DIAPH2: variants seen among roughly 807,000 people sequenced by gnomAD.
DIAPH2 encodes protein diaphanous homolog 2.
DIAPH2 carries 35 observed loss-of-function variants against 92.7 expected under a neutral mutation model. That is an observed-to-expected ratio of 0.38 (90% CI 0.29 to 0.50). The LOEUF is 0.50. Ranked by LOEUF, DIAPH2 falls within the 20% of genes least tolerant of loss-of-function variation. The pLI is 0.94. For synonymous variants in DIAPH2, 301 were observed against 280.4 expected (o/e 1.07, Z -0.73); for missense variants, 701 against 819.5 (o/e 0.86, Z 1.77).
intron 17 of DIAPH2, among the ~76,000 whole-genome samples, chrX:96,969,132 G>A (rs2065911620): frequency 8.9e-6 from 1 of 112,158 alleles, no homozygotes. Context: ...CGGTAGCCTT[G>A]TAATATAGTT....
chrX:97,229,609 C>G lies in DIAPH2; in HGVS notation c.2720-18106C>G, dbSNP rs185144154. Among the ~76,000 whole-genome samples, 10 of 109,941 alleles carry G rather than the reference C, an allele frequency of 9.1e-5. No individual in the cohort carries two copies. In the Admixed American group the frequency reaches 9.9e-4, roughly 11 times the overall value. On this transcript the variant is annotated intron_variant, in intron 22 of 26. Transcript: ENST00000324765. ...GAAAACAGGATAATCAGAAACAGAT[C>G]TGGTTTCTGGGAGAAGGTGGTCTGC...
chrX:97,365,893 G>T (rs1220661476), intron 24 of DIAPH2, among the ~76,000 whole-genome samples: 1 of 109,728 alleles, frequency 9.1e-6, no homozygotes, highest in Non-Finnish European at 1.9e-5. Flanking sequence ...GTAGAGACAG[G>T]GTTACCATGT....
At chrX:97,585,058 T>C (rs2071470286) in intron 26 of DIAPH2, among the ~76,000 whole-genome samples, 1 of 112,076 alleles carries the variant, frequency 8.9e-6, no homozygotes, top group African/African-American at 3.2e-5. Context: ...ACAATAATGT[T>C]GCTTGGCTTT....
intron 26 of DIAPH2, among the ~76,000 whole-genome samples, chrX:97,587,828 T>C (rs766597742): frequency 8.0e-5 from 9 of 112,224 alleles, no homozygotes; most frequent in Non-Finnish European, 1.9e-5. Flanking sequence ...CATTTTACTT[T>C]ATTGTTTCAT....
At chrX:97,222,407 G>T (rs1026310420) in intron 22 of DIAPH2, among the ~76,000 whole-genome samples, 2 of 111,614 alleles carry the variant, frequency 1.8e-5, no homozygotes, top group African/African-American at 6.5e-5. Context: ...TTTCACCATG[G>T]TGGCCAGGCT....
intron 24 of DIAPH2, among the ~76,000 whole-genome samples, chrX:97,353,704 A>G (rs1240236648): frequency 9.2e-6 from 1 of 108,349 alleles, no homozygotes; most frequent in African/African-American, 3.3e-5. Context: ...CATTTGATAA[A>G]CTTTGGAACA....
At chrX:97,296,554 A>G (rs943743588) in intron 23 of DIAPH2, among the ~76,000 whole-genome samples, 5 of 111,368 alleles carry the variant, frequency 4.5e-5, no homozygotes, top group Admixed American at 9.6e-5. Context: ...TATGTTGTTG[A>G]TGTATTCTGA....
Position 97,310,738 on chromosome X carries a change from G to T in DIAPH2, c.2845-37378G>T, listed in dbSNP as rs986278812. Among the ~76,000 whole-genome samples, 21 of 111,682 alleles carry T rather than the reference G, an allele frequency of 1.9e-4. No homozygotes were observed. In the East Asian group the frequency reaches 4.8e-3, roughly 26 times the overall value. On this transcript the variant is annotated intron_variant, in intron 23 of 26. Transcript: ENST00000324765. ...TTATGGATCTGCCGGGTGTGGTGGG[G>T]TGGCTCGCGACTGTAATCTCAGCGC...
At chrX:97,419,591 G>T (rs775329435) in intron 25 of DIAPH2, among the ~76,000 whole-genome samples, 23 of 111,792 alleles carry the variant, frequency 2.1e-4, no homozygotes, top group Non-Finnish European at 4.0e-4. Context: ...GCGTCTCGGG[G>T]TCCTAAAGCT....
chrX:97,351,630 C>T (rs1035755752), intron 24 of DIAPH2, among the ~76,000 whole-genome samples: 11 of 110,065 alleles, frequency 1.0e-4, no homozygotes, highest in Admixed American at 4.8e-4. Context: ...GGTGAAACCC[C>T]GTCTCTACTA....
intron 4 of DIAPH2, among the ~76,000 whole-genome samples, chrX:96,775,945 A>G (rs771921426): frequency 3.6e-5 from 4 of 111,921 alleles, no homozygotes; most frequent in African/African-American, 1.3e-4. Flanking sequence ...GTTGATCACA[A>G]CTACTGCCAC....
At chrX:97,045,848 A>ACTTTTTTTTTTT (rs1239959717) in intron 17 of DIAPH2, among the ~76,000 whole-genome samples, 1 of 64,445 alleles carries the variant, frequency 1.6e-5, no homozygotes, top group African/African-American at 6.0e-5. Flanking sequence ...GTATTTTAGG[A>ACTTTTTTTTTTT]TTTTTTTTTT....
At chrX:97,266,648 A>G (rs773516423) in intron 23 of DIAPH2, among the ~76,000 whole-genome samples, 13 of 112,524 alleles carry the variant, frequency 1.2e-4, no homozygotes, top group African/African-American at 3.9e-4. Flanking sequence ...AAATTTAGAA[A>G]GAAACACAGA....
chrX:96,720,281 C>A (rs1264889021), intron 1 of DIAPH2, among the ~76,000 whole-genome samples: 1 of 111,422 alleles, frequency 9.0e-6, no homozygotes, highest in Non-Finnish European at 1.9e-5. Flanking sequence ...CAGCCTTGGT[C>A]AAAATTCTAT....
At chrX:97,473,346 T>TTA (rs2070578202) in intron 26 of DIAPH2, among the ~76,000 whole-genome samples, 1 of 110,260 alleles carries the variant, frequency 9.1e-6, no homozygotes, top group African/African-American at 3.4e-5. Flanking sequence ...TTAATTAATT[T>TTA]ATTTTTGAGA....
intron 26 of DIAPH2, chrX:97,442,721 C>G (rs1396104048): frequency 8.9e-6 from 1 of 112,229 alleles, no homozygotes; most frequent in African/African-American, 3.2e-5. Flanking sequence ...TTCATTAAAC[C>G]TTTAGATACA....
intron 4 of DIAPH2, among the ~76,000 whole-genome samples, chrX:96,860,128 A>G (rs2147723227): frequency 8.9e-6 from 1 of 112,335 alleles, no homozygotes; most frequent in Non-Finnish European, 1.9e-5. Flanking sequence ...AAGTGAAAAT[A>G]TTGTAAGCTT....
At chrX:96,956,522 A>T (rs1258211986) in intron 15 of DIAPH2, among the ~76,000 whole-genome samples, 1 of 112,185 alleles carries the variant, frequency 8.9e-6, no homozygotes, top group African/African-American at 3.2e-5. Context: ...CTGCATTGTC[A>T]GTCTGCAAAT....
intron 1 of DIAPH2, among the ~76,000 whole-genome samples, chrX:96,692,503 A>C (rs2063803072): frequency 8.9e-6 from 1 of 112,108 alleles, no homozygotes; most frequent in African/African-American, 3.2e-5. Context: ...GAGTTACTCC[A>C]CATAAAGTGC....
Sources: gnomAD v4.1 joint callset for allele counts (sites outside exome capture counted in the v4.1 genomes callset) on GRCh38, gnomAD v4.1.1 for gene constraint, MANE v1.5 for transcripts, NCBI Gene and HGNC (gene_info 2026-07-23, HGNC 2026-07-21) for gene names.